Variants in AGBL4 observed in about 807,000 individuals in gnomAD.
AGBL4 encodes the protein AGBL carboxypeptidase 4.
AGBL4 carries 58 observed loss-of-function variants against 66.4 expected under a neutral mutation model. That is an observed-to-expected ratio of 0.87 (90% confidence interval 0.71 to 1.09). The LOEUF (loss-of-function observed/expected upper bound fraction) is 1.09, where lower values mean the gene tolerates loss of function less well. AGBL4 is among the 50% of genes least tolerant of loss of function. The pLI is 0.00. For synonymous variants in AGBL4, 234 were observed against 222.9 expected (o/e 1.05, Z -0.44); for missense variants, 579 against 631.0 (o/e 0.92, Z 0.88).
At chr1:48,922,737 C>T (rs1448918729) in intron 5 of AGBL4, among the ~76,000 whole-genome samples, 1 of 151,998 alleles carries the variant, frequency 6.6e-6, no homozygotes, top group Non-Finnish European at 1.5e-5. Flanking sequence ...TACTTGAGAA[C>T]CATTTAAAGT....
chr1:48,901,259 C>T (rs1034817295), intron 5 of AGBL4, among the ~76,000 whole-genome samples: 4 of 152,130 alleles, frequency 2.6e-5, no homozygotes, highest in African/African-American at 9.7e-5. Flanking sequence ...TTGTCATACA[C>T]TACTGTTGGG....
intron 2 of AGBL4, among the ~76,000 whole-genome samples, chr1:49,713,195 T>C (rs1239598461): frequency 6.6e-6 from 1 of 152,082 alleles, no homozygotes; most frequent in Non-Finnish European, 1.5e-5. Flanking sequence ...TCTGTTCTTT[T>C]ATTCATTCCT....
chr1:48,650,218 C>T (rs11586678), intron 8 of AGBL4, among the ~76,000 whole-genome samples: 12,076 of 152,244 alleles, frequency 0.079, 801 homozygotes, highest in African/African-American at 0.18. Flanking sequence ...TCAGGCACAC[C>T]TGCATCCCTG....
chr1:48,648,478 T>C (rs1645874896), intron 8 of AGBL4, among the ~76,000 whole-genome samples: 4 of 152,122 alleles, frequency 2.6e-5, no homozygotes. Context: ...AGGAGGGAAA[T>C]AGGCCAGGCG....
At chr1:49,149,702 G>A (rs1445789780) in intron 4 of AGBL4, among the ~76,000 whole-genome samples, 1 of 152,148 alleles carries the variant, frequency 6.6e-6, no homozygotes, top group East Asian at 1.9e-4. Context: ...TACCATGAAT[G>A]CTGAAGCATC....
intron 2 of AGBL4, among the ~76,000 whole-genome samples, chr1:49,741,757 A>G (rs999268369): frequency 5.3e-5 from 8 of 152,242 alleles, no homozygotes. Flanking sequence ...TACGAAAATC[A>G]ATAAATGTAG....
chr1:49,449,854 T>C (rs973880041), intron 3 of AGBL4, among the ~76,000 whole-genome samples: 4 of 152,056 alleles, frequency 2.6e-5, no homozygotes, highest in African/African-American at 9.7e-5. Flanking sequence ...CAGCCTCATC[T>C]CTTAGTCAAA....
intron 6 of AGBL4, among the ~76,000 whole-genome samples, chr1:48,757,461 GGCCA>G (rs1308447524): frequency 4.9e-4 from 74 of 152,300 alleles, no homozygotes; most frequent in Non-Finnish European, 7.8e-4. Flanking sequence ...TTGGGACAAT[GGCCA>G]AGGCAATGGT....
intron 3 of AGBL4, among the ~76,000 whole-genome samples, chr1:49,692,085 C>T (rs1646899136): frequency 6.6e-6 from 1 of 152,162 alleles, no homozygotes; most frequent in Non-Finnish European, 1.5e-5. Flanking sequence ...GTCCCTCCCA[C>T]AACACATGGG....
At chr1:49,860,532 A>G (rs928127827) in intron 1 of AGBL4, among the ~76,000 whole-genome samples, 1 of 152,062 alleles carries the variant, frequency 6.6e-6, no homozygotes, top group Non-Finnish European at 1.5e-5. Flanking sequence ...ACTGCATCTC[A>G]ACGAAAAATT....
intron 2 of AGBL4, among the ~76,000 whole-genome samples, chr1:49,714,378 C>T (rs2124668496): frequency 6.6e-6 from 1 of 151,960 alleles, no homozygotes; most frequent in African/African-American, 2.4e-5. Flanking sequence ...TATAATTCTC[C>T]AATATCTATT....
chr1:49,402,412 A>T (rs532191765), intron 3 of AGBL4, among the ~76,000 whole-genome samples: 6 of 152,158 alleles, frequency 3.9e-5, no homozygotes, highest in Middle Eastern at 3.4e-3. Flanking sequence ...TTTCTATTTT[A>T]TTCTTAATTT....
intron 2 of AGBL4, among the ~76,000 whole-genome samples, chr1:49,817,149 T>A (rs896898623): frequency 2.6e-5 from 4 of 152,180 alleles, no homozygotes; most frequent in Non-Finnish European, 5.9e-5. Context: ...TAATTAGGAA[T>A]TGAAATACAA....
intron 3 of AGBL4, among the ~76,000 whole-genome samples, chr1:49,618,066 C>T (rs560240176): frequency 9.9e-5 from 15 of 152,132 alleles, no homozygotes; most frequent in Non-Finnish European, 1.9e-4. Flanking sequence ...CATGTGTTCT[C>T]GTTGTTCAAC....
At chr1:48,864,826 T>C (rs965336479) in intron 6 of AGBL4, among the ~76,000 whole-genome samples, 7 of 152,152 alleles carry the variant, frequency 4.6e-5, no homozygotes. Context: ...GTTACATTTA[T>C]AATTTTCGTC....
chr1:49,312,157 G>A (rs1644952454), intron 3 of AGBL4, among the ~76,000 whole-genome samples: 1 of 152,042 alleles, frequency 6.6e-6, no homozygotes, highest in Non-Finnish European at 1.5e-5. Flanking sequence ...GTATTAAGAG[G>A]TGGCACCTTT....
intron 2 of AGBL4, among the ~76,000 whole-genome samples, chr1:49,700,068 A>AGACAAAAT (rs1175224209): frequency 1.6e-4 from 24 of 151,764 alleles, no homozygotes; most frequent in African/African-American, 5.1e-4. Context: ...TTTGGATATA[A>AGACAAAAT]TATCAACTAT....
At chr1:49,783,354 G>C (rs918553293) in intron 2 of AGBL4, among the ~76,000 whole-genome samples, 5 of 152,020 alleles carry the variant, frequency 3.3e-5, no homozygotes, top group African/African-American at 1.2e-4. Context: ...TTTATTCCAG[G>C]CATGCAAGGT....
rs191660194 is a variant in AGBL4 at position 48,940,251 on chromosome 1, G to A, written c.595-73021C>T. 4.1e-3 allele frequency among the ~76,000 whole-genome samples: 622 copies of A among 152,238 alleles called. 3 individuals are homozygous for A. Among genetic ancestry groups the A allele is most frequent in the African/African-American group, 0.014 (578 of 41,544 alleles). ...AAATTAGTGGGGCGTGGTGGCACAC[G>A]CCTGTAATCCCAGCTACTCAGGAGG... On this transcript the variant is annotated intron_variant, in intron 5 of 13. Transcript: ENST00000371839.
Sources: allele counts gnomAD v4.1 joint callset (sites outside exome capture counted in the v4.1 genomes callset), GRCh38; gene constraint gnomAD v4.1.1; transcripts MANE v1.5; gene names NCBI Gene and HGNC (gene_info 2026-07-23, HGNC 2026-07-21).